Variants in NAA15 observed in about 807,000 individuals in gnomAD.
NAA15 encodes the protein N-alpha-acetyltransferase 15, NatA auxiliary subunit.
In NAA15, 34 loss-of-function variants were observed where a neutral mutation model predicts 114.0. The ratio of observed to expected loss-of-function variants is 0.30; its 90% CI spans 0.23 to 0.40. The LOEUF is 0.40. Ranked by LOEUF, NAA15 falls within the 10% of genes least tolerant of loss-of-function variation. The pLI is 1.00. For missense variants in NAA15, 658 were observed against 1,004.5 expected, an observed-to-expected ratio of 0.66 and a Z score of 4.66; for synonymous variants, 340 against 338.0, an observed-to-expected ratio of 1.01 and a Z score of -0.06.
In NAA15 at chr4:139,311,027, C is replaced by T. The variant is rs546274024; in HGVS notation, c.54+9196C>T. Among the ~76,000 whole-genome samples, 11 of 151,366 alleles carry T rather than the reference C, an allele frequency of 7.3e-5. 1 individual carries two copies. In the East Asian group the frequency reaches 1.9e-3, roughly 27 times the overall value. On this transcript the variant is annotated intron_variant, in intron 1 of 19. Transcript: ENST00000296543. Reference sequence around the variant, plus strand: ...GCAACCTCTGTCTCCTGGGTTCAAGCGATTCTCCCACCTTAGTCTTCTGGG... The same window carrying T: ...GCAACCTCTGTCTCCTGGGTTCAAGTGATTCTCCCACCTTAGTCTTCTGGG...
At chr4:139,341,852 G>A (rs368430118) in intron 4 of NAA15, among the ~76,000 whole-genome samples, 1 of 151,688 alleles carries the variant, frequency 6.6e-6, no homozygotes, top group Admixed American at 6.6e-5. Flanking sequence ...CTCCTGAGTA[G>A]CTGGGGCTAC....
At chr4:139,363,281 C>T (rs1748184804) in intron 14 of NAA15, among the ~76,000 whole-genome samples, 1 of 152,172 alleles carries the variant, frequency 6.6e-6, no homozygotes, top group Admixed American at 6.5e-5. Context: ...ACTATTAATA[C>T]AGAAGTATAC....
intron 1 of NAA15, among the ~76,000 whole-genome samples, chr4:139,329,323 C>T (rs1397477628): frequency 2.0e-5 from 3 of 152,074 alleles, no homozygotes; most frequent in Non-Finnish European, 2.9e-5. Context: ...AATTCCATCA[C>T]GTTTTTAATT....
Position 139,390,781 on chromosome 4 carries a change from T to G in NAA15, c.*2697T>G, listed in dbSNP as rs1470137389. 1 of 152,244 alleles carries G rather than the reference T, an allele frequency of 6.6e-6. No individual in the cohort carries two copies. The highest frequency in any genetic ancestry group is 1.5e-5 in the Non-Finnish European group (1 of 68,042). The allele number at this position is 152,244 out of a possible 1,614,324, so 9.4% of individuals were successfully genotyped here. On this transcript the variant is annotated 3_prime_UTR_variant, in exon 20 of 20. Coordinates refer to ENST00000296543, the MANE Select transcript of NAA15 (RefSeq NM_057175.5). ...ATGCACAAAAATAAAGTGTGATCTC[T>G]AATAGCATGGCTAAAGGTAATGCCA...
chr4:139,342,531 C>T (rs1212800405), intron 4 of NAA15, among the ~76,000 whole-genome samples: 1 of 142,722 alleles, frequency 7.0e-6, no homozygotes, highest in African/African-American at 2.7e-5. Context: ...CAGGCTGCAA[C>T]CTCTGCCTCC....
At chr4:139,352,254 G>A (rs1338206653) in intron 9 of NAA15, among the ~76,000 whole-genome samples, 4 of 151,424 alleles carry the variant, frequency 2.6e-5, no homozygotes, top group Admixed American at 6.6e-5. Context: ...GATTACAGGC[G>A]CGTACTACCA....
Position 139,360,641 on chromosome 4 carries a change from T to C in NAA15, c.1539+13T>C. On this transcript the variant is annotated intron_variant, in intron 13 of 19. Transcript: ENST00000296543. ...TGAGATTGAGAGAGTAAGTACCTTCTACATAAAAGTTTTCTTGTTTTATTC... is the reference window on the plus strand; with the variant it reads ...TGAGATTGAGAGAGTAAGTACCTTCCACATAAAAGTTTTCTTGTTTTATTC... The C allele has an allele frequency of 6.4e-7, 1 of 1,564,652 alleles. No homozygotes were observed. Among genetic ancestry groups the C allele is most frequent in the South Asian group, 1.2e-5 (1 of 82,554 alleles).
chr4:139,331,537 C>G (rs574282676), intron 1 of NAA15, among the ~76,000 whole-genome samples: 58 of 151,812 alleles, frequency 3.8e-4, no homozygotes, highest in African/African-American at 1.4e-3. Flanking sequence ...GCCTCCGCCT[C>G]CCAGCTTCCA....
rs147028690 is a variant in NAA15 at position 139,378,764 on chromosome 4, C to A, written c.2065C>A (p.Leu689Ile). The A allele has an allele frequency of 1.3e-6, 2 of 1,552,326 alleles. No individual in the cohort carries two copies. Among genetic ancestry groups the A allele is most frequent in the Non-Finnish European group, 1.7e-6 (2 of 1,155,798 alleles). ...ACTTTCTCTTTTTATAGAAAAGTTT[C>A]TTTTGATGCTACAATCAGTAAAGAG... The part of the protein sequence containing the change: ...FEIYFRKEKF[L>I]LMLQSVKRAF... The change falls in exon 17 of 20, where the codon CTT becomes ATT. Residue 689 changes from leucine (L) to isoleucine (I), a missense_variant. Transcript: ENST00000296543.
chr4:139,312,851 G>GA (rs577469795), intron 1 of NAA15, among the ~76,000 whole-genome samples: 1 of 149,732 alleles, frequency 6.7e-6, no homozygotes, highest in Non-Finnish European at 1.5e-5. Context: ...GTCTGGGGGG[G>GA]AAAAAAAAAG....
At chr4:139,360,127 C>T (rs953338179) in intron 12 of NAA15, among the ~76,000 whole-genome samples, 6 of 152,102 alleles carry the variant, frequency 3.9e-5, no homozygotes, top group African/African-American at 1.4e-4. Context: ...CATGTACGTT[C>T]AGATAAATTT....
At chr4:139,317,847 AT>A (rs1432641214) in intron 1 of NAA15, among the ~76,000 whole-genome samples, 1 of 152,200 alleles carries the variant, frequency 6.6e-6, no homozygotes, top group Admixed American at 6.5e-5. Flanking sequence ...ATGAGGTTAT[AT>A]TTTATAGCTG....
At chr4:139,322,540 C>G (rs1367572563) in intron 1 of NAA15, among the ~76,000 whole-genome samples, 1 of 152,190 alleles carries the variant, frequency 6.6e-6, no homozygotes, top group East Asian at 1.9e-4. Context: ...AACGTAGTCT[C>G]TTAACTTGAT....
intron 1 of NAA15, among the ~76,000 whole-genome samples, chr4:139,323,351 G>A (rs945296140): frequency 1.3e-5 from 2 of 152,146 alleles, no homozygotes; most frequent in Non-Finnish European, 2.9e-5. Context: ...GTGCCACTAT[G>A]TCTGGCTAAT....
At chr4:139,320,868 T>C (rs1431056287) in intron 1 of NAA15, among the ~76,000 whole-genome samples, 1 of 151,962 alleles carries the variant, frequency 6.6e-6, no homozygotes, top group Non-Finnish European at 1.5e-5. Flanking sequence ...CCCAGGCTGA[T>C]CTTGACTCCT....
Position 139,348,408 on chromosome 4 carries a change from G to A in NAA15, c.692-1054G>A, listed in dbSNP as rs1338940899. Among the ~76,000 whole-genome samples, 12 of 147,518 alleles carry A rather than the reference G, an allele frequency of 8.1e-5. No individual in the cohort carries two copies. The East Asian group carries it at 2.4e-3, about 30-fold the overall frequency. The stretch of plus-strand genomic sequence containing the variant: ...AGGCTGCAGTGAGCCATGATCGATC[G>A]CACCACTGCACTCCAGCTGGGGTGA... On this transcript the variant is annotated intron_variant, in intron 6 of 19. Transcript: ENST00000296543.
chr4:139,366,950 G>A (rs1394949739), intron 14 of NAA15, among the ~76,000 whole-genome samples: 1 of 152,170 alleles, frequency 6.6e-6, no homozygotes, highest in Non-Finnish European at 1.5e-5. Context: ...CCATTTCAAG[G>A]CCTTCAGAAG....
chr4:139,304,897 T>C (rs1235711089), intron 1 of NAA15, among the ~76,000 whole-genome samples: 1 of 152,096 alleles, frequency 6.6e-6, no homozygotes, highest in Non-Finnish European at 1.5e-5. Flanking sequence ...GTCCTCTATT[T>C]GTATAATTTT....
rs1263652176 is a variant in NAA15, at chr4:139,378,817, C to G, written c.2118C>G (p.Pro706=). The change falls in exon 17 of 20, where the codon CCC becomes CCG. Residue 706 remains proline (P), a synonymous_variant. Transcript: ENST00000296543. Reference sequence around the variant, plus strand: ...CATTTGCTATTGATTCTAGTCATCCCTGGCTTCATGAGTGTATGATTCGTC... The same window carrying G: ...CATTTGCTATTGATTCTAGTCATCCGTGGCTTCATGAGTGTATGATTCGTC... ...KRAFAIDSSH[P]WLHECMIRLF... The G allele has an allele frequency of 3.2e-6, 5 of 1,556,870 alleles. No homozygotes were observed. Among genetic ancestry groups the G allele is most frequent in the Non-Finnish European group, 8.6e-7 (1 of 1,162,666 alleles).
Sources: allele counts gnomAD v4.1 joint callset (sites outside exome capture counted in the v4.1 genomes callset), GRCh38; gene constraint gnomAD v4.1.1; transcripts MANE v1.5; gene names NCBI Gene and HGNC (gene_info 2026-07-23, HGNC 2026-07-21).